The following RBFOX1 variants were observed in gnomAD, a reference collection of about 807,000 sequenced individuals.
The protein encoded by RBFOX1 is RNA binding fox-1 homolog 1.
In RBFOX1, 8 loss-of-function variants were observed where a neutral mutation model predicts 57.7. That is an observed-to-expected ratio of 0.14 (90% CI 0.08 to 0.25). The LOEUF is 0.25. Ranked by LOEUF, RBFOX1 falls within the 10% of genes least tolerant of loss-of-function variation. The pLI is 1.00. For missense variants in RBFOX1, 611 were observed against 548.5 expected (o/e 1.11, Z -1.14); for synonymous variants, 326 against 222.4 (o/e 1.47, Z -4.15).
intron 4 of RBFOX1, among the ~76,000 whole-genome samples, chr16:7,091,398 C>T (rs1336202003): frequency 6.6e-6 from 1 of 151,020 alleles, no homozygotes; most frequent in Admixed American, 6.6e-5. Flanking sequence ...TTTATACAAA[C>T]ATACCTGGGT....
At chr16:7,117,974 T>A (rs2066282422) in intron 4 of RBFOX1, among the ~76,000 whole-genome samples, 1 of 152,194 alleles carries the variant, frequency 6.6e-6, no homozygotes, top group African/African-American at 2.4e-5. Context: ...GTTGCTATAA[T>A]CTTATGCAAT....
chr16:7,227,087 G>A (rs1315774031), intron 4 of RBFOX1, among the ~76,000 whole-genome samples: 2 of 152,074 alleles, frequency 1.3e-5, no homozygotes, highest in Admixed American at 6.6e-5. Context: ...GCCAGTTTCT[G>A]TCATTTATAG....
chr16:7,076,511 A>C, intron 4 of RBFOX1, among the ~76,000 whole-genome samples: 1 of 152,304 alleles, frequency 6.6e-6, no homozygotes, highest in Middle Eastern at 3.4e-3. Flanking sequence ...CCTAATATAC[A>C]AAAAATAATG....
intron 4 of RBFOX1, among the ~76,000 whole-genome samples, chr16:5,960,444 C>T (rs993329253): frequency 6.6e-6 from 1 of 152,116 alleles, no homozygotes; most frequent in Non-Finnish European, 1.5e-5. Flanking sequence ...TATGTTCCCC[C>T]AAAGTATTAC....
chr16:7,379,764 G>GCCTTCCTGCCTT lies in RBFOX1; in HGVS notation c.28-138380_28-138369dup, dbSNP rs2097755577. On this transcript the variant is annotated intron_variant, in intron 4 of 15. Coordinates refer to ENST00000550418, the MANE Select transcript of RBFOX1 (RefSeq NM_018723.4). Reference sequence around the variant, plus strand: ...TGCCTGCTTGCCTGCCTGCCTGCCTGCCTTCCTGCCTTCCGTCCTGCCTGC... The same window carrying GCCTTCCTGCCTT: ...TGCCTGCTTGCCTGCCTGCCTGCCTGCCTTCCTGCCTTCCTTCCTGCCTTCCGTCCTGCCTGC... Among the ~76,000 whole-genome samples, 7 of 150,154 alleles carry GCCTTCCTGCCTT rather than the reference G, an allele frequency of 4.7e-5. No homozygotes were observed. In the South Asian group the frequency reaches 1.5e-3, roughly 32 times the overall value.
At chr16:7,617,319 C>G (rs1440073724) in intron 10 of RBFOX1, among the ~76,000 whole-genome samples, 1 of 152,118 alleles carries the variant, frequency 6.6e-6, no homozygotes, top group Non-Finnish European at 1.5e-5. Context: ...TCCAGTAAAA[C>G]TAAGGACGTG....
At chr16:5,555,275 T>G (rs2045625468) in intron 2 of RBFOX1, among the ~76,000 whole-genome samples, 1 of 152,030 alleles carries the variant, frequency 6.6e-6, no homozygotes, top group South Asian at 2.1e-4. Flanking sequence ...ATTTTTGAGA[T>G]GGAGTCTCAC....
Position 6,139,662 on chromosome 16 carries a change from A to G in RBFOX1, c.-127+119670A>G, listed in dbSNP as rs372673885. Among the ~76,000 whole-genome samples the G allele has an allele frequency of 7.9e-5, 12 of 152,196 alleles. No individual in the cohort carries two copies. In the East Asian group the frequency reaches 2.3e-3, roughly 29 times the overall value. On this transcript the variant is annotated intron_variant, in intron 1 of 15. Transcript: ENST00000550418. Reference sequence around the variant, plus strand: ...TCCTCTCCTCTGTGATTGTCCATGAATATAGATTGGCTTGGCCATGCCATC... The same window carrying G: ...TCCTCTCCTCTGTGATTGTCCATGAGTATAGATTGGCTTGGCCATGCCATC...
At chr16:5,774,247 A>T (rs2054073695) in intron 3 of RBFOX1, among the ~76,000 whole-genome samples, 1 of 152,124 alleles carries the variant, frequency 6.6e-6, no homozygotes, top group South Asian at 2.1e-4. Context: ...CCTTACTGAC[A>T]GACAGACAGA....
intron 1 of RBFOX1, among the ~76,000 whole-genome samples, chr16:5,417,926 C>G (rs927713773): frequency 6.6e-6 from 1 of 152,110 alleles, no homozygotes; most frequent in Non-Finnish European, 1.5e-5. Flanking sequence ...ACTAAAAATA[C>G]AAAAATTCGC....
chr16:7,051,938 A>G, intron 3 of RBFOX1, 119 bp from the exon 4 acceptor site: 1 of 1,401,068 alleles, frequency 7.1e-7, no homozygotes, highest in South Asian at 1.3e-5. Context: ...TTAAATACAT[A>G]ATTAATTAAT....
chr16:6,485,336 C>CCTCCCTCTCTTACCCCTCGGAG (rs1313100237), intron 2 of RBFOX1, among the ~76,000 whole-genome samples: 1 of 150,924 alleles, frequency 6.6e-6, no homozygotes. Flanking sequence ...GGAGCTCCTC[C>CCTCCCTCTCTTACCCCTCGGAG]CTCCCTCTCT....
chr16:7,642,840 C>G (rs939283126), intron 11 of RBFOX1, among the ~76,000 whole-genome samples: 1 of 152,154 alleles, frequency 6.6e-6, no homozygotes, highest in African/African-American at 2.4e-5. Flanking sequence ...ACAGAAAGCA[C>G]CTTTGCAAAT....
At chr16:6,561,957 A>G in intron 2 of RBFOX1, among the ~76,000 whole-genome samples, 1 of 152,190 alleles carries the variant, frequency 6.6e-6, no homozygotes, top group East Asian at 1.9e-4. Context: ...AACCACATTC[A>G]CATCATCCAC....
intron 3 of RBFOX1, among the ~76,000 whole-genome samples, chr16:6,962,677 C>T (rs1306545166): frequency 6.6e-6 from 1 of 152,026 alleles, no homozygotes; most frequent in Non-Finnish European, 1.5e-5. Flanking sequence ...CCAGCCTGAG[C>T]AACACAGTGA....
chr16:7,227,381 C>G (rs919740748), intron 4 of RBFOX1, among the ~76,000 whole-genome samples: 1 of 149,378 alleles, frequency 6.7e-6, no homozygotes, highest in African/African-American at 2.4e-5. Flanking sequence ...CTGCATAATC[C>G]TCCTCTCGTA....
chr16:7,640,907 A>AG (rs905722856), intron 11 of RBFOX1, among the ~76,000 whole-genome samples: 4 of 151,500 alleles, frequency 2.6e-5, no homozygotes, highest in African/African-American at 7.3e-5. Flanking sequence ...TTTACATTAA[A>AG]AAAAAAAAAA....
intron 3 of RBFOX1, among the ~76,000 whole-genome samples, chr16:5,784,165 T>G (rs1469297477): frequency 6.6e-6 from 1 of 152,072 alleles, no homozygotes; most frequent in Non-Finnish European, 1.5e-5. Flanking sequence ...CTCACGCCTA[T>G]AATCCCAGCA....
At chr16:5,421,184 T>A (rs2067314883) in intron 1 of RBFOX1, among the ~76,000 whole-genome samples, 1 of 151,658 alleles carries the variant, frequency 6.6e-6, no homozygotes, top group South Asian at 2.1e-4. Flanking sequence ...TTTTTGTAGT[T>A]TTTGGTAGAG....
Sources: allele counts gnomAD v4.1 joint callset (sites outside exome capture counted in the v4.1 genomes callset), GRCh38; gene constraint gnomAD v4.1.1; transcripts MANE v1.5; gene names NCBI Gene and HGNC (gene_info 2026-07-23, HGNC 2026-07-21).